Variants in PRDM16 observed in about 807,000 individuals in gnomAD.
PRDM16 encodes the protein PR/SET domain 16, also known as histone-lysine N-methyltransferase PRDM16.
In PRDM16, 23 loss-of-function variants were observed where a neutral mutation model predicts 110.6. The observed-to-expected ratio is 0.21, with a 90% CI of 0.15 to 0.29. The LOEUF (loss-of-function observed/expected upper bound fraction) is 0.29, where lower values mean the gene tolerates loss of function less well. PRDM16 is among the 10% of genes least tolerant of loss of function. The probability of loss-of-function intolerance (pLI) is 1.00; values close to 1 mark genes in which losing one functional copy is unlikely to be tolerated. For missense variants in PRDM16, 1,615 were observed against 1,794.3 expected, an observed-to-expected ratio of 0.90 and a Z score of 1.81; for synonymous variants, 799 against 781.8, an observed-to-expected ratio of 1.02 and a Z score of -0.37.
At chr1:3,397,932 C>T (rs909584283) in intron 5 of PRDM16, among the ~76,000 whole-genome samples, 2 of 152,104 alleles carry the variant, frequency 1.3e-5, no homozygotes, top group African/African-American at 4.8e-5. Flanking sequence ...TGTTTATGTC[C>T]CTGAGTGTCC....
chr1:3,187,040 A>T (rs1420502959), intron 2 of PRDM16, among the ~76,000 whole-genome samples: 1 of 152,334 alleles, frequency 6.6e-6, no homozygotes, highest in African/African-American at 2.4e-5. Flanking sequence ...CCACGACGTG[A>T]CTGGCCTTGA....
chr1:3,233,529 T>C (rs984626158), intron 2 of PRDM16, among the ~76,000 whole-genome samples: 5 of 152,126 alleles, frequency 3.3e-5, no homozygotes, highest in African/African-American at 1.2e-4. Context: ...GACACTGGCC[T>C]TTGGAAGATG....
In PRDM16 at chr1:3,163,812, G is replaced by C. The variant is rs114305794; in HGVS notation, c.38-22313G>C. Among the ~76,000 whole-genome samples, 591 of 152,230 alleles carry C rather than the reference G, an allele frequency of 3.9e-3. 3 individuals carry two copies. Among genetic ancestry groups the C allele is most frequent in the African/African-American group, 0.013 (534 of 41,518 alleles). ...CCAGAGCCGTGTTTTATCAGGACACGGTCATTTGGATAAGGGAGCCACCCC... is the reference window on the plus strand; with the variant it reads ...CCAGAGCCGTGTTTTATCAGGACACCGTCATTTGGATAAGGGAGCCACCCC... On this transcript the variant is annotated intron_variant, in intron 1 of 16. Transcript: ENST00000270722.
At chr1:3,138,815 C>T (rs374552037) in intron 1 of PRDM16, among the ~76,000 whole-genome samples, 3 of 152,266 alleles carry the variant, frequency 2.0e-5, no homozygotes, top group African/African-American at 7.2e-5. Context: ...AGCCAGGCGC[C>T]CCTGCATGAG....
intron 1 of PRDM16, among the ~76,000 whole-genome samples, chr1:3,082,900 G>A (rs796647599): frequency 7.9e-5 from 12 of 152,292 alleles, no homozygotes; most frequent in Admixed American, 2.6e-4. Flanking sequence ...CGCTGCCTTC[G>A]CTTTCCCCTC....
chr1:3,237,480 G>T (rs1413099506), intron 2 of PRDM16, among the ~76,000 whole-genome samples: 1 of 152,136 alleles, frequency 6.6e-6, no homozygotes, highest in Non-Finnish European at 1.5e-5. Flanking sequence ...CATTGTGTCT[G>T]CCCCAGAGTA....
intron 1 of PRDM16, among the ~76,000 whole-genome samples, chr1:3,184,972 C>G (rs1240319839): frequency 6.6e-6 from 1 of 152,186 alleles, no homozygotes; most frequent in African/African-American, 2.4e-5. Flanking sequence ...GTCCAGGCCG[C>G]CTTCCTCCTT....
chr1:3,381,975 G>T (rs565143750), intron 3 of PRDM16, among the ~76,000 whole-genome samples: 8 of 152,196 alleles, frequency 5.3e-5, no homozygotes, highest in Admixed American at 5.2e-4. Flanking sequence ...TGGTGAGGGA[G>T]GGGGGGCCTC....
chr1:3,326,969 A>G (rs1315520377), intron 3 of PRDM16, among the ~76,000 whole-genome samples: 1 of 152,104 alleles, frequency 6.6e-6, no homozygotes, highest in Non-Finnish European at 1.5e-5. Flanking sequence ...GGGCCCCCAG[A>G]CGCCTGCCCT....
intron 3 of PRDM16, among the ~76,000 whole-genome samples, chr1:3,248,834 T>G (rs368871801): frequency 3.1e-4 from 47 of 152,348 alleles, no homozygotes; most frequent in African/African-American, 9.6e-4. Flanking sequence ...GGGCGTTTTC[T>G]ATAGCCCGGC....
chr1:3,184,944 G>A (rs750091120), intron 1 of PRDM16, among the ~76,000 whole-genome samples: 55 of 152,172 alleles, frequency 3.6e-4, no homozygotes, highest in Non-Finnish European at 6.3e-4. Context: ...TACGCCGAGT[G>A]CCGCATGTCC....
At chr1:3,429,380 C>T (rs1361341810) in intron 14 of PRDM16, among the ~76,000 whole-genome samples, 1 of 152,268 alleles carries the variant, frequency 6.6e-6, no homozygotes, top group Non-Finnish European at 1.5e-5. Flanking sequence ...GGGTGTGCAG[C>T]AGACATAAAG....
At chr1:3,106,089 C>T (rs568086174) in intron 1 of PRDM16, among the ~76,000 whole-genome samples, 40 of 150,368 alleles carry the variant, frequency 2.7e-4, no homozygotes, top group African/African-American at 9.0e-4. Context: ...GTCTCACCCT[C>T]GGCCTCAAAG....
intron 3 of PRDM16, among the ~76,000 whole-genome samples, chr1:3,356,267 C>G (rs190820225): frequency 6.6e-6 from 1 of 152,198 alleles, no homozygotes; most frequent in Admixed American, 6.5e-5. Context: ...AAAGCCCCCC[C>G]CAGCCCCCCT....
intron 3 of PRDM16, among the ~76,000 whole-genome samples, chr1:3,268,178 C>T (rs1424924736): frequency 2.0e-5 from 3 of 152,214 alleles, no homozygotes; most frequent in Non-Finnish European, 4.4e-5. Flanking sequence ...GCCCGACGCT[C>T]CTGCTGCGGT....
chr1:3,419,644 G>A (rs913212949), intron 12 of PRDM16, among the ~76,000 whole-genome samples: 2 of 152,100 alleles, frequency 1.3e-5, no homozygotes, highest in African/African-American at 4.8e-5. Context: ...TGCTTCACAC[G>A]GCTTAAGTTG....
intron 1 of PRDM16, among the ~76,000 whole-genome samples, chr1:3,174,458 G>A (rs534533686): frequency 1.3e-5 from 2 of 152,310 alleles, no homozygotes; most frequent in Non-Finnish European, 2.9e-5. Flanking sequence ...GGGGCTGGTG[G>A]AGACTCCCTG....
intron 1 of PRDM16, among the ~76,000 whole-genome samples, chr1:3,174,803 A>C (rs1644067062): frequency 6.6e-6 from 1 of 152,132 alleles, no homozygotes; most frequent in African/African-American, 2.4e-5. Context: ...CGGCTTCATC[A>C]GCCCTGCAGC....
rs1449741199 is a variant in PRDM16 at position 3,298,481 on chromosome 1, T to G, written c.438+54344T>G. 2.0e-5 allele frequency among the ~76,000 whole-genome samples: 3 copies of G among 152,188 alleles called. No individual in the cohort carries two copies. In the East Asian group the frequency reaches 5.8e-4, roughly 29 times the overall value. On this transcript the variant is annotated intron_variant, in intron 3 of 16. Coordinates refer to ENST00000270722, the MANE Select transcript of PRDM16 (RefSeq NM_022114.4). ...ACTGAAGCTTTCACTTTACTTAGTT[T>G]TAATTAAGTTACATTGAATCCCCAC...
Sources: gnomAD v4.1 joint callset for allele counts (sites outside exome capture counted in the v4.1 genomes callset) on GRCh38, gnomAD v4.1.1 for gene constraint, MANE v1.5 for transcripts, NCBI Gene and HGNC (gene_info 2026-07-23, HGNC 2026-07-21) for gene names.